ANKFY1: variants seen among roughly 807,000 people sequenced by gnomAD.
ANKFY1 encodes ankyrin repeat and FYVE domain containing 1, also known as ankyrin repeat and FYVE domain-containing protein 1.
ANKFY1 carries 47 observed loss-of-function variants against 128.3 expected under a neutral mutation model. The ratio of observed to expected loss-of-function variants is 0.37; its 90% CI spans 0.29 to 0.47. The LOEUF is 0.47. Ranked by LOEUF, ANKFY1 falls within the 20% of genes least tolerant of loss-of-function variation. The probability of loss-of-function intolerance (pLI) is 1.00; values close to 1 mark genes in which losing one functional copy is unlikely to be tolerated. For synonymous variants in ANKFY1, 553 were observed against 601.6 expected (o/e 0.92, Z 1.18); for missense variants, 1,222 against 1,510.6 (o/e 0.81, Z 3.17).
Position 4,181,221 on chromosome 17 carries a change from A to C in ANKFY1, c.2240+33T>G. ...AGCCAGTTTGCAACAAGCTCACTAA[A>C]AAGCTGTGGAGAGATACTGGGGACT... On this transcript the variant is annotated intron_variant, in intron 16 of 24. Transcript: ENST00000341657. This position sits in a 1 kb window ranked among gnomAD's most constrained non-coding sequence, Gnocchi z 4.9. 1 of 1,564,442 alleles carries C rather than the reference A, an allele frequency of 6.4e-7. No individual in the cohort carries two copies. Among genetic ancestry groups the C allele is most frequent in the African/African-American group, 1.4e-5 (1 of 73,872 alleles).
intron 1 of ANKFY1, among the ~76,000 whole-genome samples, chr17:4,243,082 G>T (rs8071335): frequency 0.94 from 142,430 of 151,836 alleles, 67,409 homozygotes; most frequent in East Asian, 1. Context: ...TTGTTTGTTT[G>T]TTTGAGACAG....
chr17:4,172,728 C>A, intron 21 of ANKFY1, 48 bp from the exon 22 acceptor site: 1 of 1,603,430 alleles, frequency 6.2e-7, no homozygotes, highest in South Asian at 1.1e-5. Context: ...CCATGGCCAT[C>A]ACACACAAAA....
intron 19 of ANKFY1, among the ~76,000 whole-genome samples, chr17:4,174,920 C>T (rs931010037): frequency 6.6e-6 from 1 of 151,796 alleles, no homozygotes; most frequent in Non-Finnish European, 1.5e-5. Context: ...GTAGAGACAA[C>T]GTCTTGCTAT....
chr17:4,222,752 A>G (rs991769077), intron 3 of ANKFY1: 7 of 980,432 alleles, frequency 7.1e-6, no homozygotes, highest in Non-Finnish European at 1.2e-5. Context: ...TTCTCGTAGC[A>G]ATAATATTAG....
chr17:4,229,216 G>A (rs1349795873), intron 3 of ANKFY1, among the ~76,000 whole-genome samples: 2 of 152,150 alleles, frequency 1.3e-5, no homozygotes, highest in African/African-American at 4.8e-5. Context: ...CTGAGGTCAG[G>A]AGTTCAAGAC....
Position 4,181,659 on chromosome 17 carries a change from CAGAAAGT to C in ANKFY1, c.2122-294_2122-288del, listed in dbSNP as rs1243995535. On this transcript the variant is annotated intron_variant, in intron 15 of 24. Coordinates refer to ENST00000341657, the MANE Select transcript of ANKFY1 (RefSeq NM_001330063.2). The surrounding 1 kb of genome is among the most constrained non-coding windows in gnomAD (Gnocchi z 4.9). ...GCTGAGTTCTAGAAGGGACAGAAAA[CAGAAAGT>C]GTCTGTGTACACATGCACCAACGGG... Among the ~76,000 whole-genome samples, 1 of 152,142 alleles carries C rather than the reference CAGAAAGT, an allele frequency of 6.6e-6. No homozygotes were observed. Among genetic ancestry groups the C allele is most frequent in the Non-Finnish European group, 1.5e-5 (1 of 68,022 alleles).
chr17:4,229,924 G>A (rs572238661), intron 3 of ANKFY1, among the ~76,000 whole-genome samples: 1 of 152,332 alleles, frequency 6.6e-6, no homozygotes, highest in African/African-American at 2.4e-5. Context: ...ATACTGAAGA[G>A]GAGAATTTGA....
intron 1 of ANKFY1, 133 bp downstream of exon 1, chr17:4,263,799 C>T: frequency 6.2e-7 from 1 of 1,602,706 alleles, no homozygotes; most frequent in Non-Finnish European, 8.5e-7. Flanking sequence ...AGAGGCTAGA[C>T]AGGAAGGCTC....
rs183463394 is a variant in ANKFY1, at chr17:4,164,976, C to G, written c.*2803G>C. 2 of 152,566 alleles carry G rather than the reference C, an allele frequency of 1.3e-5. No individual in the cohort carries two copies. The highest frequency in any genetic ancestry group is 4.8e-5 in the African/African-American group (2 of 41,406). The allele number at this position is 152,566 out of a possible 1,614,324, so 9.5% of individuals were successfully genotyped here. A position where few individuals can be genotyped will look rare whatever the true frequency, so the allele number is the denominator to read the frequency against. On this transcript the variant is annotated 3_prime_UTR_variant, in exon 25 of 25. Coordinates refer to ENST00000341657, the MANE Select transcript of ANKFY1 (RefSeq NM_001330063.2). ...AACTAAATTGGTAATTGGGGTTGAC[C>G]GTGCACAGGCCCAAAACTCCAAATG...
At chr17:4,213,184 TC>T (rs1457475851) in intron 4 of ANKFY1, among the ~76,000 whole-genome samples, 1 of 151,988 alleles carries the variant, frequency 6.6e-6, no homozygotes, top group African/African-American at 2.4e-5. Flanking sequence ...TACACTAAGA[TC>T]TGTCAAAGCT....
At chr17:4,207,869 C>T (rs2060054258) in intron 6 of ANKFY1, 64 bp downstream of exon 6, 3 of 1,468,608 alleles carry the variant, frequency 2.0e-6, no homozygotes, top group Admixed American at 4.8e-5. Flanking sequence ...TGAGAAGTAC[C>T]ACGGAGAAAG....
chr17:4,232,120 A>G (rs1242829528), intron 3 of ANKFY1, among the ~76,000 whole-genome samples: 1 of 152,208 alleles, frequency 6.6e-6, no homozygotes, highest in Non-Finnish European at 1.5e-5. Context: ...GAATGGATTA[A>G]TGTTGAAAAA....
At chr17:4,170,996 C>T (rs367736130) in intron 22 of ANKFY1, 135 bp from the exon 23 acceptor site, 17 of 1,292,390 alleles carry the variant, frequency 1.3e-5, no homozygotes, top group East Asian at 5.0e-5. Flanking sequence ...CACAGACATA[C>T]GGGGGCCCCG....
chr17:4,166,873 C>G lies in ANKFY1; in HGVS notation c.*906G>C, dbSNP rs2059220771. On this transcript the variant is annotated 3_prime_UTR_variant, in exon 25 of 25. Coordinates refer to ENST00000341657, the MANE Select transcript of ANKFY1 (RefSeq NM_001330063.2). ...GTTTTTCCTTGGAGATTCGTGTGAG[C>G]TGAGGTCCAGTCAAAGCTGATCATT... 6.6e-6 allele frequency: 1 copy of G among 152,482 alleles called. No individual in the cohort carries two copies. Among genetic ancestry groups the G allele is most frequent in the African/African-American group, 2.4e-5 (1 of 41,442 alleles). 9.4% of individuals were successfully genotyped at this position (152,482 alleles called of 1,614,324 possible).
At chr17:4,245,542 T>G (rs968123320) in intron 1 of ANKFY1, among the ~76,000 whole-genome samples, 5 of 151,618 alleles carry the variant, frequency 3.3e-5, no homozygotes, top group Non-Finnish European at 4.4e-5. Context: ...GGCCTTGCTA[T>G]GTTGCCAGGG....
At chr17:4,249,949 T>C (rs1967745052) in intron 1 of ANKFY1, among the ~76,000 whole-genome samples, 1 of 152,194 alleles carries the variant, frequency 6.6e-6, no homozygotes, top group African/African-American at 2.4e-5. Context: ...TCACCCACTT[T>C]GATGACCTTT....
chr17:4,202,610 T>C, intron 7 of ANKFY1, among the ~76,000 whole-genome samples: 1 of 140,472 alleles, frequency 7.1e-6, no homozygotes, highest in Non-Finnish European at 1.5e-5. Flanking sequence ...GGCAGGAGAA[T>C]GGCGTGAACC....
At chr17:4,221,746 T>G (rs1023865472) in intron 3 of ANKFY1, among the ~76,000 whole-genome samples, 1 of 152,128 alleles carries the variant, frequency 6.6e-6, no homozygotes, top group African/African-American at 2.4e-5. Context: ...GACTCCCAAG[T>G]AGCTGAGACT....
At chr17:4,186,663 T>G in intron 11 of ANKFY1, 1 of 281,142 alleles carries the variant, frequency 3.6e-6, no homozygotes, top group Non-Finnish European at 5.4e-6. Flanking sequence ...AATTGCAGTG[T>G]GAGCCCGCCC....
Sources: gnomAD v4.1 joint callset for allele counts (sites outside exome capture counted in the v4.1 genomes callset) on GRCh38, gnomAD v4.1.1 for gene constraint, Gnocchi (gnomAD v3.1) non-coding constraint, MANE v1.5 for transcripts, NCBI Gene and HGNC (gene_info 2026-07-23, HGNC 2026-07-21) for gene names.